Variants in IL25 observed in about 807,000 individuals in gnomAD.
IL25 encodes the protein interleukin 25, also known as interleukin-25.
In IL25, 10 loss-of-function variants were observed where a neutral mutation model predicts 13.2. That is an observed-to-expected ratio of 0.76 (90% CI 0.47 to 1.29). IL25 has a LOEUF of 1.29. Among genes scored for constraint, IL25 ranks in the 50% most tolerant of loss-of-function variants. The pLI, the probability that IL25 is intolerant of heterozygous loss-of-function variation, is 0.00. For missense variants in IL25, 235 were observed against 232.4 expected (o/e 1.01, Z -0.07); for synonymous variants, 107 against 92.1 (o/e 1.16, Z -0.93).
chr14:23,373,540 G>C, intron 1 of IL25, 144 bp downstream of exon 2: 1 of 687,744 alleles, frequency 1.5e-6, no homozygotes, highest in Admixed American at 2.9e-5. Flanking sequence ...GTCTGTATTT[G>C]AGTCCTAGCT....
chr14:23,373,206 A>G (rs1595035762), exon 1 of IL25: 2 of 1,614,108 alleles, frequency 1.2e-6, no homozygotes, highest in Admixed American at 1.7e-5. Flanking sequence ...GGTCATGGGA[A>G]CCCACACCTA....
In IL25 at chr14:23,373,416, C is replaced by T. The variant is rs367945495; in HGVS notation, c.278+20C>T. On this transcript the variant is annotated intron_variant, in intron 1 of 1. Transcript: ENST00000329715. ...ATATGAGTGAGTCTGCTGCCCCTCC[C>T]GAATGCCTGCCCTGTGTGTGCTGGC... 1.5e-5 allele frequency: 24 copies of T among 1,593,262 alleles called. No homozygotes were observed. The highest frequency in any genetic ancestry group is 2.2e-5 in the East Asian group (1 of 44,466).
At chr14:23,372,830 A>G (rs1890451289), upstream of IL25, 1 of 819,596 alleles carries the variant, frequency 1.2e-6, no homozygotes, top group African/African-American at 1.7e-5. Context: ...CCCTAAAAAG[A>G]CAGTGGAAAT....
chr14:23,372,978 C>G lies in IL25; in HGVS notation c.-141C>G. On this transcript the variant is annotated 5_prime_UTR_variant, in exon 1 of 2. Transcript: ENST00000329715. ...GTGCAGTGCCCAGCATGTACCAGGT[C>G]AGTGCAGAGGGCTGCCTGAGGGCTG... is the stretch of plus-strand genomic sequence containing the variant. 6.2e-7 allele frequency: 1 copy of G among 1,613,812 alleles called. No individual in the cohort carries two copies. The highest frequency in any genetic ancestry group is 8.5e-7 in the Non-Finnish European group (1 of 1,179,814).
exon 2 of IL25, chr14:23,375,890 C>A (rs374609235): frequency 6.2e-7 from 1 of 1,611,166 alleles, no homozygotes. Flanking sequence ...GCCGGACCTG[C>A]TGGAGGCTGG....
exon 2 of IL25, chr14:23,376,321 CT>C (rs900923337): frequency 1.1e-5 from 2 of 174,902 alleles, no homozygotes; most frequent in Admixed American, 1.2e-4. Context: ...AGTTACTAGT[CT>C]TTTGACATGG....
rs1327815630 is a variant in IL25 at position 23,373,145 on chromosome 14, G to C, written c.27G>C (p.Glu9Asp). Residue 9 changes from glutamate (E) to aspartate (D), a missense_variant, in exon 1 of 2, where the codon GAG (glutamate) becomes GAC (aspartate). Coordinates refer to ENST00000329715, the Ensembl canonical transcript of IL25. Reference sequence around the variant, plus strand: ...TGAGGGAGCGACCCAGATTAGGTGAGGACAGTTCTCTCATTAGCCTTTTCC... The same window carrying C: ...TGAGGGAGCGACCCAGATTAGGTGACGACAGTTCTCTCATTAGCCTTTTCC... 5.0e-6 allele frequency: 8 copies of C among 1,614,212 alleles called. No homozygotes were observed. Among genetic ancestry groups the C allele is most frequent in the Non-Finnish European group, 6.8e-6 (8 of 1,180,026 alleles).
At position 23,373,385 on chromosome 14, in the gene IL25, C is replaced by T. The variant is rs866787407; in HGVS notation, c.267C>T (p.Pro89=). Residue 89 remains proline, a synonymous_variant, in exon 1 of 2, where the codon CCC becomes CCT. Transcript: ENST00000329715. ...CCCTCAACAGCAGGGCCATCTCCCCCTGGAGATATGAGTGAGTCTGCTGCC... is the reference window on the plus strand; with the variant it reads ...CCCTCAACAGCAGGGCCATCTCCCCTTGGAGATATGAGTGAGTCTGCTGCC... 6 of 1,609,608 alleles carry T rather than the reference C, an allele frequency of 3.7e-6. No individual in the cohort carries two copies. In the African/African-American group the frequency reaches 6.7e-5, roughly 18 times the overall value.
chr14:23,375,567 C>T (rs1427417545), intron 1 of IL25, 58 bp from the exon 3 acceptor site: 7 of 1,582,218 alleles, frequency 4.4e-6, no homozygotes, highest in Non-Finnish European at 5.2e-6. Flanking sequence ...CCCATGCCAC[C>T]CCACCCTCTC....
exon 2 of IL25, chr14:23,375,776 C>T: frequency 6.2e-7 from 1 of 1,614,250 alleles, no homozygotes; most frequent in East Asian, 2.2e-5. Context: ...CTACCGGCGG[C>T]CATGCCATGG....
exon 1 of IL25, chr14:23,373,189 T>G (rs1356900934): frequency 6.2e-7 from 1 of 1,614,078 alleles, no homozygotes; most frequent in African/African-American, 1.3e-5. Context: ...GTTGCATTCT[T>G]GGCAATGGTC....
intron 1 of IL25, among the ~76,000 whole-genome samples, chr14:23,373,824 G>A (rs1319886631): frequency 6.6e-6 from 1 of 152,146 alleles, no homozygotes; most frequent in African/African-American, 2.4e-5. Context: ...CCCTGGCCAT[G>A]AATGGGTTAG....
intron 1 of IL25, among the ~76,000 whole-genome samples, chr14:23,374,654 C>T (rs1366889488): frequency 3.9e-5 from 6 of 152,082 alleles, no homozygotes; most frequent in African/African-American, 9.7e-5. Flanking sequence ...TGGAGACTGT[C>T]GCCTGCCAGA....
exon 1 of IL25, chr14:23,373,102 C>G: frequency 6.2e-7 from 1 of 1,613,798 alleles, no homozygotes; most frequent in Non-Finnish European, 8.5e-7. Flanking sequence ...AACTGGGATC[C>G]CAGGGGGAGG....
chr14:23,375,866 C>T (rs768750533), exon 2 of IL25: 20 of 1,613,866 alleles, frequency 1.2e-5, no homozygotes, highest in Admixed American at 3.3e-5. Flanking sequence ...TGTGCGGCCC[C>T]GTGTGATGGG....
chr14:23,375,691 C>T (rs973711361), exon 2 of IL25: 41 of 1,614,088 alleles, frequency 2.5e-5, no homozygotes, highest in Middle Eastern at 1.6e-4. Context: ...GCCCGCACTG[C>T]GTCAGCCTAC....
At chr14:23,376,361 A>G (rs181509524) in exon 2 of IL25, 167 of 162,136 alleles carry the variant, frequency 1.0e-3, no homozygotes, top group South Asian at 3.4e-3. Flanking sequence ...CTGTTATTGA[A>G]TGTATAGAGA....
At chr14:23,375,749 C>T in exon 2 of IL25, 1 of 1,614,220 alleles carries the variant, frequency 6.2e-7, no homozygotes, top group Non-Finnish European at 8.5e-7. Context: ...GCTGCTCTAC[C>T]ACAACCAGAC....
intron 1 of IL25, 48 bp downstream of exon 2, chr14:23,373,444 G>C: frequency 1.3e-6 from 2 of 1,517,806 alleles, no homozygotes; most frequent in Non-Finnish European, 1.8e-6. Context: ...GTGCTGGCCA[G>C]GGTATGCGTG....
Sources: allele counts gnomAD v4.1 joint callset (sites outside exome capture counted in the v4.1 genomes callset), GRCh38; gene constraint gnomAD v4.1.1; transcripts MANE v1.5; gene names NCBI Gene and HGNC (gene_info 2026-07-23, HGNC 2026-07-21).